Variants in MIIP observed in about 807,000 individuals in gnomAD.
The protein encoded by MIIP is migration and invasion inhibitory protein, also known as migration and invasion-inhibitory protein.
A neutral mutation model predicts 44.8 loss-of-function variants in MIIP; 44 were observed. The observed-to-expected ratio is 0.98, with a 90% CI of 0.77 to 1.26. The LOEUF (loss-of-function observed/expected upper bound fraction) is 1.26, where lower values mean the gene tolerates loss of function less well. MIIP is among the 50% of genes most tolerant of loss of function. The pLI, the probability that MIIP is intolerant of heterozygous loss-of-function variation, is 0.00. For synonymous variants in MIIP, 225 were observed against 218.3 expected (o/e 1.03, Z -0.27); for missense variants, 496 against 511.7 (o/e 0.97, Z 0.30).
In MIIP at chr1:12,031,563, C is replaced by G. The variant is rs1323913453; in HGVS notation, c.1081-159C>G. ...CAGGGTCCAGCCCTCCAGCCCTGAC[C>G]CTAGCCATCCCTCGGAACTCCTCTG... On this transcript the variant is annotated intron_variant, in intron 9 of 9. Coordinates refer to ENST00000235332, the MANE Select transcript of MIIP (RefSeq NM_021933.4). The G allele has an allele frequency of 1.0e-5, 16 of 1,589,362 alleles. No homozygotes were observed. The East Asian group carries it at 3.1e-4, about 31-fold the overall frequency.
At chr1:12,031,146 C>T (rs1484089582) in intron 8 of MIIP, 120 bp from the exon 9 acceptor site, 6 of 1,258,944 alleles carry the variant, frequency 4.8e-6, no homozygotes, top group Admixed American at 5.2e-5. Context: ...TAGACACAGG[C>T]CCTGCCTTGG....
chr1:12,026,129 ACT>A (rs1405582150), intron 4 of MIIP, among the ~76,000 whole-genome samples: 3 of 151,284 alleles, frequency 2.0e-5, no homozygotes, highest in African/African-American at 4.9e-5. Flanking sequence ...TCGTGGTGAA[ACT>A]CTGTCTCTAC....
intron 6 of MIIP, 36 bp downstream of exon 6, chr1:12,029,317 C>A: frequency 6.3e-7 from 1 of 1,596,052 alleles, no homozygotes; most frequent in Non-Finnish European, 8.5e-7. Flanking sequence ...GCTGAGTAGT[C>A]CAGCCTCGCG....
chr1:12,029,925 G>A (rs1266538939), intron 7 of MIIP, 31 bp downstream of exon 7: 1 of 1,611,224 alleles, frequency 6.2e-7, no homozygotes, highest in Non-Finnish European at 8.5e-7. Context: ...GACACCTTGG[G>A]GGACAGAGCC....
At position 12,022,408 on chromosome 1, in the gene MIIP, G is replaced by A; in HGVS notation, c.428G>A (p.Arg143Lys). The A allele has an allele frequency of 6.3e-7, 1 of 1,596,494 alleles. No individual in the cohort carries two copies. The change falls in exon 3 of 10, where the codon AGG (arginine) becomes AAG (lysine). Residue 143 changes from arginine (R) to lysine (K), a missense_variant. By Grantham distance (26) the Arg-to-Lys change is conservative. Transcript: ENST00000235332. ...DPGPQEAQTP[R>K]SILAQQSKLS... ...GGACCCCAGGAGGCACAGACCCCGA[G>A]GTCCATCCTGGCTCAACAGAGCAAG...
intron 2 of MIIP, 91 bp from the exon 3 acceptor site, chr1:12,022,004 C>G: frequency 7.0e-7 from 1 of 1,424,182 alleles, no homozygotes; most frequent in Non-Finnish European, 9.7e-7. Context: ...GAGGCCGGAG[C>G]AGGATGAGGA....
At chr1:12,031,176 G>C (rs1415757417) in intron 8 of MIIP, 90 bp from the exon 9 acceptor site, 2 of 1,465,066 alleles carry the variant, frequency 1.4e-6, no homozygotes, top group South Asian at 1.3e-5. Flanking sequence ...CCTTCCTAAT[G>C]GGGGGCACAG....
chr1:12,023,463 G>A (rs1640029873), intron 4 of MIIP, among the ~76,000 whole-genome samples: 1 of 150,242 alleles, frequency 6.7e-6, no homozygotes, highest in Non-Finnish European at 1.5e-5. Flanking sequence ...GAGTGAAGTG[G>A]CGCAATCTCG....
chr1:12,028,536 CT>C (rs1429429140), intron 4 of MIIP, among the ~76,000 whole-genome samples: 1 of 152,158 alleles, frequency 6.6e-6, no homozygotes, highest in African/African-American at 2.4e-5. Flanking sequence ...CCTGGGAGGT[CT>C]CTGTGGCTTC....
rs757127600 is a variant in MIIP at position 12,022,322 on chromosome 1, A to C, written c.342A>C (p.Ala114=). Residue 114 remains alanine, a synonymous_variant, in exon 3 of 10, where the codon GCA becomes GCC. Transcript: ENST00000235332. ...ESLGRPRPHS[A]PSLGTSSLRD... ...TGGGCCGACCGAGACCCCACTCAGC[A>C]CCCTCGCTGGGCACCTCAAGCCTGA... The C allele has an allele frequency of 6.2e-7, 1 of 1,613,454 alleles. No homozygotes were observed. Among genetic ancestry groups the C allele is most frequent in the African/African-American group, 1.3e-5 (1 of 74,804 alleles).
At position 12,031,840 on chromosome 1, in the gene MIIP, G is replaced by C; in HGVS notation, c.*32G>C. On this transcript the variant is annotated 3_prime_UTR_variant, in exon 10 of 10. Coordinates refer to ENST00000235332, the MANE Select transcript of MIIP (RefSeq NM_021933.4). ...ACTCCTGGGGGAGAACAGCATTCCC[G>C]CCGCCTCCAGCCTCTCCCCTCTGGC... The C allele has an allele frequency of 1.3e-6, 2 of 1,590,448 alleles. No individual in the cohort carries two copies. The highest frequency in any genetic ancestry group is 8.6e-7 in the Non-Finnish European group (1 of 1,160,994).
At chr1:12,020,872 C>T (rs1266994475) in intron 1 of MIIP, among the ~76,000 whole-genome samples, 1 of 151,982 alleles carries the variant, frequency 6.6e-6, no homozygotes, top group East Asian at 1.9e-4. Context: ...TTAGTAGCGA[C>T]GAGGTCTCTC....
chr1:12,025,284 T>C (rs1454576894), intron 4 of MIIP, among the ~76,000 whole-genome samples: 2 of 152,042 alleles, frequency 1.3e-5, no homozygotes, highest in South Asian at 2.1e-4. Context: ...GGTCTCGAAC[T>C]CCTGCACTCA....
At position 12,022,334 on chromosome 1, in the gene MIIP, C is replaced by T. The variant is rs1639999004; in HGVS notation, c.354C>T (p.Gly118=). 4 of 1,613,840 alleles carry T rather than the reference C, an allele frequency of 2.5e-6. No homozygotes were observed. Among genetic ancestry groups the T allele is most frequent in the African/African-American group, 2.7e-5 (2 of 75,046 alleles). ...GACCCCACTCAGCACCCTCGCTGGG[C>T]ACCTCAAGCCTGAGGGACCCAGAGC... ...RPRPHSAPSL[G]TSSLRDPEPS... is the part of the protein sequence containing the mutation. Residue 118 remains glycine (G), a synonymous_variant, in exon 3 of 10, where the codon GGC becomes GGT. Coordinates refer to ENST00000235332, the MANE Select transcript of MIIP (RefSeq NM_021933.4).
intron 1 of MIIP, among the ~76,000 whole-genome samples, chr1:12,020,787 G>T (rs1639956718): frequency 6.6e-6 from 1 of 152,172 alleles, no homozygotes; most frequent in Admixed American, 6.5e-5. Context: ...GGGTTCAGGT[G>T]ATTCTCCTGC....
chr1:12,028,052 C>A (rs573223327), intron 4 of MIIP, among the ~76,000 whole-genome samples: 1 of 152,078 alleles, frequency 6.6e-6, no homozygotes, highest in Non-Finnish European at 1.5e-5. Context: ...ACTAAAAATA[C>A]AAAAATTAGC....
At chr1:12,026,313 AAGAC>A (rs1236574043) in intron 4 of MIIP, among the ~76,000 whole-genome samples, 1 of 152,052 alleles carries the variant, frequency 6.6e-6, no homozygotes, top group African/African-American at 2.4e-5. Flanking sequence ...TCAAAAAACA[AAGAC>A]AGGTGTACTG....
intron 9 of MIIP, 111 bp from the exon 10 acceptor site, chr1:12,031,611 C>T (rs1640244425): frequency 7.4e-6 from 12 of 1,612,082 alleles, no homozygotes; most frequent in Non-Finnish European, 1.0e-5. Context: ...TGCCCTGCTC[C>T]ACCCAGGAAG....
chr1:12,029,697 G>A, intron 6 of MIIP, 68 bp from the exon 7 acceptor site: 1 of 1,572,800 alleles, frequency 6.4e-7, no homozygotes, highest in Non-Finnish European at 8.7e-7. Flanking sequence ...GCCGCTGAGG[G>A]CAGCACGGAG....
Sources: gnomAD v4.1 joint callset for allele counts (sites outside exome capture counted in the v4.1 genomes callset) on GRCh38, gnomAD v4.1.1 for gene constraint, MANE v1.5 for transcripts, NCBI Gene and HGNC (gene_info 2026-07-23, HGNC 2026-07-21) for gene names.